Variants in ADAMTS19 observed in about 807,000 individuals in gnomAD.
ADAMTS19 encodes the protein ADAM metallopeptidase with thrombospondin type 1 motif 19.
A neutral mutation model predicts 153.3 loss-of-function variants in ADAMTS19; 93 were observed. The ratio of observed to expected loss-of-function variants is 0.61; its 90% CI spans 0.51 to 0.72. The LOEUF (loss-of-function observed/expected upper bound fraction) is 0.72. Among genes scored for constraint, ADAMTS19 ranks in the 30% least tolerant of loss-of-function variants. The probability of loss-of-function intolerance (pLI) is 0.00; values close to 1 mark genes in which losing one functional copy is unlikely to be tolerated. For synonymous variants in ADAMTS19, 600 were observed against 556.6 expected (o/e 1.08, Z -1.10); for missense variants, 1,482 against 1,552.1 (o/e 0.95, Z 0.76).
intron 6 of ADAMTS19, among the ~76,000 whole-genome samples, chr5:129,551,007 C>T (rs1753072236): frequency 6.6e-6 from 1 of 151,432 alleles, no homozygotes; most frequent in Non-Finnish European, 1.5e-5. Flanking sequence ...AATTCATGTC[C>T]CTTGCACAGT....
At chr5:129,697,188 T>C (rs1755597510) in intron 19 of ADAMTS19, among the ~76,000 whole-genome samples, 1 of 152,130 alleles carries the variant, frequency 6.6e-6, no homozygotes, top group Non-Finnish European at 1.5e-5. Flanking sequence ...AGTCTTAGGA[T>C]CTCTGTTTTA....
chr5:129,636,693 A>G (rs1010396498), intron 10 of ADAMTS19, among the ~76,000 whole-genome samples: 25 of 152,202 alleles, frequency 1.6e-4, no homozygotes, highest in African/African-American at 5.5e-4. Flanking sequence ...GTTAAAGGAT[A>G]AAGTTTCTAG....
At chr5:129,690,553 C>T (rs759345902) in intron 18 of ADAMTS19, among the ~76,000 whole-genome samples, 1 of 152,020 alleles carries the variant, frequency 6.6e-6, no homozygotes, top group Non-Finnish European at 1.5e-5. Context: ...AAAAAATGAA[C>T]TAGTCATTTT....
intron 10 of ADAMTS19, among the ~76,000 whole-genome samples, chr5:129,633,867 A>G (rs777538961): frequency 6.6e-6 from 1 of 152,030 alleles, no homozygotes; most frequent in Admixed American, 6.6e-5. Context: ...TTCTAATTCT[A>G]TTCCCTCTGG....
At chr5:129,717,880 G>A (rs1756802482) in intron 21 of ADAMTS19, among the ~76,000 whole-genome samples, 1 of 152,122 alleles carries the variant, frequency 6.6e-6, no homozygotes, top group African/African-American at 2.4e-5. Context: ...GGCCACAGAG[G>A]GATCTGATCC....
At chr5:129,587,358 GCTAA>G (rs981459862) in intron 7 of ADAMTS19, among the ~76,000 whole-genome samples, 14 of 149,842 alleles carry the variant, frequency 9.3e-5, no homozygotes, top group African/African-American at 3.2e-4. Flanking sequence ...AATCTCATCT[GCTAA>G]CTGCTATATT....
intron 21 of ADAMTS19, among the ~76,000 whole-genome samples, chr5:129,715,634 AAGG>A (rs1164836667): frequency 3.9e-5 from 6 of 152,202 alleles, no homozygotes; most frequent in African/African-American, 1.4e-4. Context: ...AGGAGGTGTT[AAGG>A]AGAACTCCCA....
intron 2 of ADAMTS19, among the ~76,000 whole-genome samples, chr5:129,493,990 T>A (rs974759353): frequency 1.6e-4 from 25 of 152,122 alleles, no homozygotes; most frequent in Non-Finnish European, 2.6e-4. Flanking sequence ...AATATTTTAT[T>A]TTTTATATTT....
intron 9 of ADAMTS19, among the ~76,000 whole-genome samples, chr5:129,621,287 T>TTTCATTTTAAAGCACTTG (rs1477145591): frequency 1.3e-5 from 2 of 152,162 alleles, no homozygotes; most frequent in East Asian, 3.8e-4. Context: ...TTATTCTCAT[T>TTTCATTTTAAAGCACTTG]TTCATTTTAA....
intron 22 of ADAMTS19, 150 bp downstream of exon 22, chr5:129,735,259 C>T (rs987243708): frequency 1.4e-4 from 111 of 812,342 alleles, no homozygotes; most frequent in Middle Eastern, 4.1e-4. Flanking sequence ...AATATGATTT[C>T]GTCCAAATGG....
chr5:129,613,475 C>A (rs1359540198), intron 8 of ADAMTS19, among the ~76,000 whole-genome samples: 2 of 152,054 alleles, frequency 1.3e-5, no homozygotes, highest in African/African-American at 4.8e-5. Context: ...TAAAGATGTT[C>A]TTTGAAACCA....
rs1036671788 is a variant in ADAMTS19 at position 129,509,215 on chromosome 5, C to T, written c.886C>T (p.His296Tyr). Residue 296 changes from histidine (H) to tyrosine (Y), a missense_variant, in exon 3 of 23, where the codon CAC (histidine) becomes TAC (tyrosine). Physicochemically the swap from His to Tyr is moderately conservative, Grantham distance 83. Transcript: ENST00000274487. ...EEKVTEKSAL[H>Y]SHYCGIISDK... is the part of the protein sequence containing the mutation. Reference sequence around the variant, plus strand: ...AAAGGTCACAGAGAAGTCAGCTCTTCACAGTCATTACTGTGGTATCATTTC... The same window carrying T: ...AAAGGTCACAGAGAAGTCAGCTCTTTACAGTCATTACTGTGGTATCATTTC... 6.2e-7 allele frequency: 1 copy of T among 1,611,876 alleles called. No individual in the cohort carries two copies. Among genetic ancestry groups the T allele is most frequent in the Non-Finnish European group, 8.5e-7 (1 of 1,178,528 alleles).
intron 7 of ADAMTS19, among the ~76,000 whole-genome samples, chr5:129,562,787 G>C (rs984248470): frequency 3.3e-5 from 5 of 152,110 alleles, no homozygotes; most frequent in Non-Finnish European, 5.9e-5. Flanking sequence ...TGATGAGAGA[G>C]GCTGTGTATC....
chr5:129,636,736 C>G (rs1752550981), intron 10 of ADAMTS19, among the ~76,000 whole-genome samples: 1 of 152,204 alleles, frequency 6.6e-6, no homozygotes, highest in Non-Finnish European at 1.5e-5. Flanking sequence ...AGCATTTCTT[C>G]CCACTAAAAT....
At chr5:129,532,198 T>TC (rs1336942941) in intron 6 of ADAMTS19, among the ~76,000 whole-genome samples, 1 of 131,096 alleles carries the variant, frequency 7.6e-6, no homozygotes, top group African/African-American at 4.0e-5. Context: ...TCAAAAGATG[T>TC]TACACCTTTT....
intron 11 of ADAMTS19, among the ~76,000 whole-genome samples, chr5:129,646,170 G>A (rs1325703073): frequency 6.6e-6 from 1 of 151,954 alleles, no homozygotes; most frequent in Non-Finnish European, 1.5e-5. Flanking sequence ...TTACAGGCGT[G>A]AGCCACCGCG....
In ADAMTS19 at chr5:129,679,848, T is replaced by G; in HGVS notation, c.2591T>G (p.Val864Gly). The change falls in exon 17 of 23, where the codon GTT becomes GGT. Residue 864 changes from valine (V) to glycine (G), a missense_variant. This residue lies in a region of ADAMTS19 where 616 missense variants were observed against 724.4 expected (regional missense o/e 0.85). Transcript: ENST00000274487. ...SGAFNLAGTT[V>G]HYVRRGLWEK... ...GCCTTCAATTTGGCTGGAACTACCG[T>G]TCATTATGTAAGACGAGGCCTCTGG... is the stretch of plus-strand genomic sequence containing the variant. 6.2e-7 allele frequency: 1 copy of G among 1,614,000 alleles called. No individual in the cohort carries two copies. Among genetic ancestry groups the G allele is most frequent in the Non-Finnish European group, 8.5e-7 (1 of 1,179,950 alleles).
intron 18 of ADAMTS19, among the ~76,000 whole-genome samples, chr5:129,689,182 GA>G (rs1053751608): frequency 5.3e-5 from 8 of 151,694 alleles, no homozygotes; most frequent in African/African-American, 1.2e-4. Context: ...TACTTTGAAG[GA>G]AAAAAAATAA....
intron 7 of ADAMTS19, among the ~76,000 whole-genome samples, chr5:129,587,087 T>C (rs1465486183): frequency 1.3e-5 from 2 of 152,090 alleles, no homozygotes; most frequent in African/African-American, 2.4e-5. Flanking sequence ...ACTATTTATC[T>C]CTCCTCCTAT....
Sources: gnomAD v4.1 joint callset for allele counts (sites outside exome capture counted in the v4.1 genomes callset) on GRCh38, gnomAD v4.1.1 for gene constraint, gnomAD v4.1.1 regional missense constraint, MANE v1.5 for transcripts, NCBI Gene and HGNC (gene_info 2026-07-23, HGNC 2026-07-21) for gene names.